The following ERBB4 variants were observed in gnomAD, a reference collection of about 807,000 sequenced individuals.
ERBB4 encodes erb-b2 receptor tyrosine kinase 4.
A neutral mutation model predicts 158.0 loss-of-function variants in ERBB4; 42 were observed. The observed-to-expected ratio is 0.27, with a 90% CI of 0.21 to 0.34. The LOEUF is 0.34. Among genes scored for constraint, ERBB4 ranks in the 10% least tolerant of loss-of-function variants. The pLI is 1.00. For missense variants in ERBB4, 1,333 were observed against 1,624.1 expected, an observed-to-expected ratio of 0.82 and a Z score of 3.08; for synonymous variants, 583 against 558.7, an observed-to-expected ratio of 1.04 and a Z score of -0.61.
In ERBB4 at chr2:212,009,679, G is replaced by A. The variant is rs138148899; in HGVS notation, c.235-62063C>T. Among the ~76,000 whole-genome samples the A allele has an allele frequency of 2.0e-5, 3 of 152,198 alleles. No individual in the cohort carries two copies. In the East Asian group the frequency reaches 5.8e-4, roughly 29 times the overall value. Reference sequence around the variant, plus strand: ...CTTAAATGAGATTGCTGGGTTTTAGGATTAGAATTACACTTGAAGATGTAG... The same window carrying A: ...CTTAAATGAGATTGCTGGGTTTTAGAATTAGAATTACACTTGAAGATGTAG... On this transcript the variant is annotated intron_variant, in intron 2 of 27. Coordinates refer to ENST00000342788, the MANE Select transcript of ERBB4 (RefSeq NM_005235.3).
chr2:211,408,140 T>G (rs193196025), intron 25 of ERBB4, among the ~76,000 whole-genome samples: 3 of 152,132 alleles, frequency 2.0e-5, no homozygotes, highest in Non-Finnish European at 4.4e-5. Context: ...TCCAAAAAAT[T>G]TGAATAGAAA....
At chr2:212,265,002 G>A (rs972369836) in intron 1 of ERBB4, among the ~76,000 whole-genome samples, 7 of 151,980 alleles carry the variant, frequency 4.6e-5, no homozygotes, top group African/African-American at 1.7e-4. Context: ...TCTTCCCCTG[G>A]AAAATCCCCT....
At chr2:211,550,672 C>G (rs1044314049) in intron 20 of ERBB4, among the ~76,000 whole-genome samples, 3 of 140,154 alleles carry the variant, frequency 2.1e-5, no homozygotes, top group Non-Finnish European at 4.6e-5. Context: ...TATATATATT[C>G]TAAGCTTATT....
intron 3 of ERBB4, among the ~76,000 whole-genome samples, chr2:211,922,702 G>A (rs12998591): frequency 0.11 from 17,125 of 152,022 alleles, 1,304 homozygotes; most frequent in African/African-American, 0.21. Context: ...AACTGCTTAC[G>A]AGGAGGTAGA....
chr2:212,177,594 G>A (rs1215145640), intron 1 of ERBB4, among the ~76,000 whole-genome samples: 3 of 151,688 alleles, frequency 2.0e-5, no homozygotes, highest in Non-Finnish European at 4.4e-5. Context: ...CATGCTGAAG[G>A]TTCACTTTTT....
intron 1 of ERBB4, among the ~76,000 whole-genome samples, chr2:212,159,265 T>C (rs995921276): frequency 2.2e-4 from 5 of 22,956 alleles, no homozygotes; most frequent in South Asian, 1.6e-3. Flanking sequence ...TGTGTTTTTG[T>C]TTTTTTTTTT....
At chr2:212,422,248 T>C (rs2091809350) in intron 1 of ERBB4, among the ~76,000 whole-genome samples, 1 of 152,296 alleles carries the variant, frequency 6.6e-6, no homozygotes, top group South Asian at 2.1e-4. Flanking sequence ...GTTCATGCTT[T>C]AATCGCAGCA....
chr2:212,158,546 G>A (rs2081111007), intron 1 of ERBB4, among the ~76,000 whole-genome samples: 1 of 151,852 alleles, frequency 6.6e-6, no homozygotes. Flanking sequence ...AGATATCTCT[G>A]ACTCGCTCAA....
chr2:212,459,837 A>C (rs1688483367), intron 1 of ERBB4, among the ~76,000 whole-genome samples: 1 of 152,304 alleles, frequency 6.6e-6, no homozygotes, highest in East Asian at 1.9e-4. Context: ...CATCCATGTG[A>C]GAAAGGACAA....
chr2:211,655,038 A>G lies in ERBB4; in HGVS notation c.1946+2716T>C, dbSNP rs139563253. ...AAATATTAAATCTATAACAAGATAC[A>G]CTATGATTTTGAGTTAAATAACCTC... On this transcript the variant is annotated intron_variant, in intron 16 of 27. Transcript: ENST00000342788. Among the ~76,000 whole-genome samples, 36 of 152,294 alleles carry G rather than the reference A, an allele frequency of 2.4e-4. 2 individuals are homozygous for G. The East Asian group carries it at 6.4e-3, about 27-fold the overall frequency.
chr2:211,555,823 G>C (rs2067221741), intron 20 of ERBB4, among the ~76,000 whole-genome samples: 1 of 152,176 alleles, frequency 6.6e-6, no homozygotes, highest in African/African-American at 2.4e-5. Context: ...CCTGAAGGAG[G>C]CACTAAATGT....
chr2:212,062,117 T>C (rs1199769386), intron 2 of ERBB4, among the ~76,000 whole-genome samples: 1 of 152,196 alleles, frequency 6.6e-6, no homozygotes, highest in African/African-American at 2.4e-5. Context: ...ATATGCTCAT[T>C]GTGAGTAGCC....
chr2:211,758,412 T>A (rs1462192728), intron 4 of ERBB4, among the ~76,000 whole-genome samples: 2 of 152,184 alleles, frequency 1.3e-5, no homozygotes, highest in African/African-American at 4.8e-5. Flanking sequence ...AAATTTTTCC[T>A]AAAAGACTAA....
chr2:211,666,417 T>G (rs1415850854), intron 14 of ERBB4, among the ~76,000 whole-genome samples: 1 of 152,144 alleles, frequency 6.6e-6, no homozygotes, highest in Non-Finnish European at 1.5e-5. Context: ...CTTTCTAATA[T>G]GTGGAATGTT....
intron 4 of ERBB4, among the ~76,000 whole-genome samples, chr2:211,772,858 TATATATATATACACATATATATATATAC>T (rs1559504429): frequency 1.4e-3 from 104 of 75,706 alleles, no homozygotes; most frequent in East Asian, 0.01. Context: ...TATATATATA[TATATATATATACACATATATATATATAC>T]ACACACACAC....
Position 212,474,214 on chromosome 2 carries a change from T to G in ERBB4, c.82+64235A>C, listed in dbSNP as rs1289198926. 3.9e-5 allele frequency among the ~76,000 whole-genome samples: 6 copies of G among 152,158 alleles called. No individual in the cohort carries two copies. In the East Asian group the frequency reaches 1.2e-3, roughly 29 times the overall value. ...ATACAGGCAAAATAGTGATTTTTTT[T>G]TTTTTAGTATTTGCTCAGTGATGTC... is the stretch of plus-strand genomic sequence containing the variant. On this transcript the variant is annotated intron_variant, in intron 1 of 27. Coordinates refer to ENST00000342788, the MANE Select transcript of ERBB4 (RefSeq NM_005235.3).
chr2:211,647,888 A>G (rs1432767576), intron 16 of ERBB4, among the ~76,000 whole-genome samples: 1 of 151,602 alleles, frequency 6.6e-6, no homozygotes, highest in African/African-American at 2.4e-5. Flanking sequence ...GCTTCACCTT[A>G]CCTGATTTCC....
chr2:211,952,181 CAT>C (rs1201119370), intron 2 of ERBB4, among the ~76,000 whole-genome samples: 2 of 152,026 alleles, frequency 1.3e-5, no homozygotes, highest in African/African-American at 4.8e-5. Flanking sequence ...TTCTGGTATT[CAT>C]AGTCACATTC....
chr2:212,157,906 T>C (rs1286113039), intron 1 of ERBB4, among the ~76,000 whole-genome samples: 1 of 152,016 alleles, frequency 6.6e-6, no homozygotes. Flanking sequence ...CTCTTAACAG[T>C]CTTGACACTG....
Sources: allele counts gnomAD v4.1 joint callset (sites outside exome capture counted in the v4.1 genomes callset), GRCh38; gene constraint gnomAD v4.1.1; transcripts MANE v1.5; gene names NCBI Gene and HGNC (gene_info 2026-07-23, HGNC 2026-07-21).